The following IL1RAPL1 variants were observed in gnomAD, a reference collection of about 807,000 sequenced individuals.
IL1RAPL1 encodes the protein interleukin 1 receptor accessory protein like 1, also known as interleukin-1 receptor accessory protein-like 1.
Under a neutral mutation model 48.4 loss-of-function variants are expected in IL1RAPL1, and 3 were observed. The observed-to-expected ratio is 0.06, with a 90% confidence interval of 0.03 to 0.16. IL1RAPL1 has a LOEUF of 0.16. Among genes scored for constraint, IL1RAPL1 ranks in the 10% least tolerant of loss-of-function variants. IL1RAPL1 has a pLI of 1.00. For missense variants in IL1RAPL1, 349 were observed against 530.6 expected (o/e 0.66, Z 3.36); for synonymous variants, 185 against 187.7 (o/e 0.99, Z 0.12).
rs558512537 is a variant in IL1RAPL1, at chrX:28,839,007, A to G, written c.82+49582A>G. 1.3e-4 allele frequency among the ~76,000 whole-genome samples: 14 copies of G among 111,572 alleles called. No individual in the cohort carries two copies. In the South Asian group the frequency reaches 4.8e-3, roughly 38 times the overall value. On this transcript the variant is annotated intron_variant, in intron 2 of 10. Coordinates refer to ENST00000378993, the MANE Select transcript of IL1RAPL1 (RefSeq NM_014271.4). ...CTCCTATGGCACTACATAATCCTGCATTTAAACAGAAGCTTTGAAATAAAC... is the reference window on the plus strand; with the variant it reads ...CTCCTATGGCACTACATAATCCTGCGTTTAAACAGAAGCTTTGAAATAAAC...
In IL1RAPL1 at chrX:29,719,542, A is replaced by C. The variant is rs1351760496; in HGVS notation, c.778+51038A>C. Among the ~76,000 whole-genome samples the C allele has an allele frequency of 6.3e-5, 7 of 110,308 alleles. No individual in the cohort carries two copies. The Admixed American group carries it at 6.8e-4, about 11-fold the overall frequency. The stretch of plus-strand genomic sequence containing the variant: ...GTGGGGTTTTTTAAATCTTTAACTC[A>C]AGTTGTTTCAGTGAACCTAGAACTA... On this transcript the variant is annotated intron_variant, in intron 6 of 10. Coordinates refer to ENST00000378993, the MANE Select transcript of IL1RAPL1 (RefSeq NM_014271.4).
At chrX:28,939,848 T>C (rs1924120696) in intron 2 of IL1RAPL1, among the ~76,000 whole-genome samples, 2 of 111,222 alleles carry the variant, frequency 1.8e-5, no homozygotes, top group Admixed American at 9.6e-5. Flanking sequence ...TTTAGTATGT[T>C]CAGAGGCAAC....
intron 2 of IL1RAPL1, among the ~76,000 whole-genome samples, chrX:29,016,337 A>G (rs1301243238): frequency 1.8e-5 from 2 of 111,688 alleles, no homozygotes; most frequent in Non-Finnish European, 3.8e-5. Context: ...GACACAGGGA[A>G]TAATTTAATA....
intron 1 of IL1RAPL1, among the ~76,000 whole-genome samples, chrX:28,707,798 T>G (rs748901068): frequency 1.8e-5 from 2 of 111,985 alleles, no homozygotes; most frequent in East Asian, 5.7e-4. Context: ...TATTTAAAGG[T>G]CTTTCCTCCT....
chrX:28,598,478 TTTAC>T (rs1484924017), intron 1 of IL1RAPL1, among the ~76,000 whole-genome samples: 1 of 111,050 alleles, frequency 9.0e-6, no homozygotes, highest in Non-Finnish European at 1.9e-5. Context: ...AAAAATGCAA[TTTAC>T]TTAGGCACAA....
chrX:29,657,530 G>T (rs139179863), intron 5 of IL1RAPL1, among the ~76,000 whole-genome samples: 10,942 of 111,601 alleles, frequency 0.098, 434 homozygotes, highest in Middle Eastern at 0.2. Context: ...CTATACTTTA[G>T]AAATATAATG....
At chrX:28,728,466 C>A (rs749457377) in intron 1 of IL1RAPL1, among the ~76,000 whole-genome samples, 1 of 111,548 alleles carries the variant, frequency 9.0e-6, no homozygotes, top group Non-Finnish European at 1.9e-5. Flanking sequence ...GTAGGCTTCT[C>A]ATTTTGGAAA....
At chrX:29,077,179 C>T (rs1028907916) in intron 2 of IL1RAPL1, among the ~76,000 whole-genome samples, 7 of 112,137 alleles carry the variant, frequency 6.2e-5, no homozygotes, top group Admixed American at 9.4e-5. Flanking sequence ...AGCTATTGCA[C>T]GATTTTGGGC....
At chrX:28,740,991 C>T (rs1206824926) in intron 1 of IL1RAPL1, among the ~76,000 whole-genome samples, 4 of 111,876 alleles carry the variant, frequency 3.6e-5, no homozygotes, top group Non-Finnish European at 5.6e-5. Context: ...ATTGGTCTGT[C>T]GTCCACAATG....
chrX:28,942,160 GC>G (rs1924178648), intron 2 of IL1RAPL1: 1 of 109,784 alleles, frequency 9.1e-6, no homozygotes, highest in Admixed American at 9.8e-5. Context: ...TGGACTGCTT[GC>G]CACTATAAGT....
intron 2 of IL1RAPL1, among the ~76,000 whole-genome samples, chrX:28,879,167 A>G (rs1922446696): frequency 9.0e-6 from 1 of 111,196 alleles, no homozygotes; most frequent in Admixed American, 9.6e-5. Context: ...AGTTCCATTC[A>G]GACAGTTTGA....
intron 5 of IL1RAPL1, among the ~76,000 whole-genome samples, chrX:29,586,192 G>C (rs1923152739): frequency 9.0e-6 from 1 of 111,614 alleles, no homozygotes; most frequent in Admixed American, 9.6e-5. Context: ...TTATATTTAA[G>C]TTTTTAATTC....
intron 6 of IL1RAPL1, among the ~76,000 whole-genome samples, chrX:29,803,556 T>C (rs1332331959): frequency 2.0e-5 from 2 of 100,890 alleles, no homozygotes; most frequent in Non-Finnish European, 4.0e-5. Flanking sequence ...TATGTGTGTA[T>C]ATATGTATAT....
intron 2 of IL1RAPL1, among the ~76,000 whole-genome samples, chrX:29,192,936 T>C (rs989970187): frequency 9.0e-6 from 1 of 110,983 alleles, no homozygotes; most frequent in Non-Finnish European, 1.9e-5. Context: ...ATATTAACAA[T>C]AGCGTTTTAA....
chrX:28,666,703 T>A (rs1328109447), intron 1 of IL1RAPL1, among the ~76,000 whole-genome samples: 1 of 112,120 alleles, frequency 8.9e-6, no homozygotes, highest in Non-Finnish European at 1.9e-5. Context: ...GGTACATAAT[T>A]GAAAAATCAG....
At chrX:29,714,511 C>G (rs938943637) in intron 6 of IL1RAPL1, among the ~76,000 whole-genome samples, 2 of 112,139 alleles carry the variant, frequency 1.8e-5, no homozygotes, top group African/African-American at 6.5e-5. Flanking sequence ...TGTAGGCATA[C>G]TTCTTACAGT....
Position 28,654,905 on chromosome X carries a change from A to G in IL1RAPL1, c.-25+66858A>G, listed in dbSNP as rs1193229117. ...GCTGAATATTGGGTTTTAAGGGTTTATAGGGAGAAATATTTTTCAAAATGT... is the reference window on the plus strand; with the variant it reads ...GCTGAATATTGGGTTTTAAGGGTTTGTAGGGAGAAATATTTTTCAAAATGT... On this transcript the variant is annotated intron_variant, in intron 1 of 10. Coordinates refer to ENST00000378993, the MANE Select transcript of IL1RAPL1 (RefSeq NM_014271.4). Among the ~76,000 whole-genome samples, 6 of 111,800 alleles carry G rather than the reference A, an allele frequency of 5.4e-5. No homozygotes were observed. In the Admixed American group the frequency reaches 5.7e-4, roughly 11 times the overall value.
chrX:29,814,388 G>C (rs1176656071), intron 6 of IL1RAPL1, among the ~76,000 whole-genome samples: 1 of 111,647 alleles, frequency 9.0e-6, no homozygotes, highest in East Asian at 2.8e-4. Context: ...CTTCTTTTGA[G>C]AGTGTCTGTT....
chrX:28,906,319 C>T (rs144736168), intron 2 of IL1RAPL1, among the ~76,000 whole-genome samples: 89 of 112,102 alleles, frequency 7.9e-4, no homozygotes, highest in African/African-American at 2.8e-3. Context: ...GAAGAAACCA[C>T]GCAGTTGTCT....
Sources: gnomAD v4.1 joint callset for allele counts (sites outside exome capture counted in the v4.1 genomes callset) on GRCh38, gnomAD v4.1.1 for gene constraint, MANE v1.5 for transcripts, NCBI Gene and HGNC (gene_info 2026-07-23, HGNC 2026-07-21) for gene names.